P2RX5: variants seen among roughly 807,000 people sequenced by gnomAD.
P2RX5 encodes the protein P2X purinoceptor 5.
A neutral mutation model predicts 54.1 loss-of-function variants in P2RX5; 46 were observed. The ratio of observed to expected loss-of-function variants is 0.85; its 90% confidence interval spans 0.67 to 1.09. The LOEUF (loss-of-function observed/expected upper bound fraction) is 1.09, where lower values mean the gene tolerates loss of function less well. Among genes scored for constraint, P2RX5 ranks in the 50% least tolerant of loss-of-function variants. P2RX5 has a pLI of 0.00. For missense variants in P2RX5, 566 were observed against 549.8 expected (o/e 1.03, Z -0.29); for synonymous variants, 226 against 226.4 (o/e 1.00, Z 0.02).
At chr17:3,695,461 C>T (rs915533381) in intron 1 of P2RX5, among the ~76,000 whole-genome samples, 5 of 152,046 alleles carry the variant, frequency 3.3e-5, no homozygotes, top group Non-Finnish European at 5.9e-5. Flanking sequence ...AATAACCTGC[C>T]GGCGCCTGGG....
the P2RX5 span, chr17:3,716,972 T>C: frequency 1.8e-6 from 1 of 556,850 alleles, no homozygotes; most frequent in South Asian, 2.1e-5. Context: ...TTTTAGATCA[T>C]CTAAAACTAT....
At chr17:3,715,836 T>C in the P2RX5 span, among the ~76,000 whole-genome samples, 2 of 151,982 alleles carry the variant, frequency 1.3e-5, no homozygotes, top group Admixed American at 1.3e-4. Flanking sequence ...GAGCTCCAGC[T>C]TGGGGGACAA....
chr17:3,701,696 G>GAA, the P2RX5 span, among the ~76,000 whole-genome samples: 162 of 73,376 alleles, frequency 2.2e-3, 2 homozygotes, highest in Middle Eastern at 0.01. Flanking sequence ...CTCTGTCTCA[G>GAA]AAAAAAAAAA....
chr17:3,716,705 G>T, the P2RX5 span: 1 of 1,597,210 alleles, frequency 6.3e-7, no homozygotes, highest in Non-Finnish European at 8.6e-7. Flanking sequence ...AGGATGACCA[G>T]AATCACGATC....
At chr17:3,709,445 C>T in the P2RX5 span, among the ~76,000 whole-genome samples, 2 of 152,158 alleles carry the variant, frequency 1.3e-5, no homozygotes, top group East Asian at 1.9e-4. Flanking sequence ...TTAGGTGCAT[C>T]CTCCTGAACT....
intron 10 of P2RX5, 42 bp downstream of exon 10, chr17:3,681,854 A>T: frequency 1.4e-6 from 2 of 1,380,820 alleles, no homozygotes; most frequent in Non-Finnish European, 2.1e-6. Context: ...GGGGTGCTCC[A>T]CAGGGCTGCC....
intron 2 of P2RX5, 82 bp from the exon 3 acceptor site, chr17:3,691,109 G>A: frequency 9.5e-7 from 1 of 1,055,730 alleles, no homozygotes; most frequent in Non-Finnish European, 1.5e-6. Context: ...CTGAAAGAGG[G>A]CGGTCCCTCT....
At chr17:3,722,974 A>G in the P2RX5 span, among the ~76,000 whole-genome samples, 1 of 152,222 alleles carries the variant, frequency 6.6e-6, no homozygotes, top group Non-Finnish European at 1.5e-5. Flanking sequence ...TTACAACGGC[A>G]GTGGAAATGG....
At chr17:3,688,597 G>C (rs771451655) in intron 8 of P2RX5, 29 bp downstream of exon 8, 8 of 1,613,462 alleles carry the variant, frequency 5.0e-6, no homozygotes, top group Non-Finnish European at 5.9e-6. Flanking sequence ...TCATGGTCAG[G>C]TCACAAGTGG....
chr17:3,720,307 CT>C, the P2RX5 span: 1 of 1,513,192 alleles, frequency 6.6e-7, no homozygotes, highest in Non-Finnish European at 9.2e-7. Flanking sequence ...CAGGAATTAC[CT>C]TAGTTCTGTG....
chr17:3,715,328 AG>A, the P2RX5 span, among the ~76,000 whole-genome samples: 13 of 152,296 alleles, frequency 8.5e-5, no homozygotes, highest in East Asian at 7.7e-4. Flanking sequence ...CTCATCATCT[AG>A]TAGGAAAAAG....
chr17:3,673,496 T>TC lies in P2RX5; in HGVS notation c.*371dup. 5.1e-6 allele frequency: 6 copies of TC among 1,185,734 alleles called. No individual in the cohort carries two copies. The highest frequency in any genetic ancestry group is 5.3e-6 in the Non-Finnish European group (5 of 946,574). 73.5% of individuals were successfully genotyped at this position (1,185,734 alleles called of 1,614,324 possible). A position where few individuals can be genotyped will look rare whatever the true frequency, so the allele number is the denominator to read the frequency against. Reference sequence around the variant, plus strand: ...CTTTTCCGGACACGCACAATGCTATTCCCAGTGAGGTAATCTAGGAACTCT... The same window carrying TC: ...CTTTTCCGGACACGCACAATGCTATTCCCCAGTGAGGTAATCTAGGAACTCT... On this transcript the variant is annotated 3_prime_UTR_variant, in exon 12 of 12. Transcript: ENST00000225328.
rs1224754679 is a variant in P2RX5, at chr17:3,680,175, A to G, written c.1065-391T>C. 4.2e-3 allele frequency among the ~76,000 whole-genome samples: 140 copies of G among 32,954 alleles called. 4 individuals carry two copies. The highest frequency in any genetic ancestry group is 0.03 in the Admixed American group (93 of 3,120). The allele number at this position is 32,954 out of a possible 152,430, so 21.6% of individuals were successfully genotyped here. A position where few individuals can be genotyped will look rare whatever the true frequency, so the allele number is the denominator to read the frequency against. On this transcript the variant is annotated intron_variant, in intron 10 of 11. Transcript: ENST00000225328. ...CTCCATCCGGTGTCCTCCACCCTGC[A>G]TCCTCCACCCTGCGTCCTCCACCCT...
chr17:3,706,313 T>G, the P2RX5 span, among the ~76,000 whole-genome samples: 9 of 152,090 alleles, frequency 5.9e-5, no homozygotes. Context: ...CAGGCTGGTC[T>G]CAAACTCCTG....
chr17:3,685,657 T>TCC (rs543421315), intron 9 of P2RX5: 1 of 75,844 alleles, frequency 1.3e-5, no homozygotes, highest in African/African-American at 4.5e-5. Context: ...AGCGTCCCCC[T>TCC]CCCAGCCTGA....
At chr17:3,711,991 G>T in the P2RX5 span, among the ~76,000 whole-genome samples, 1 of 98,272 alleles carries the variant, frequency 1.0e-5, no homozygotes, top group African/African-American at 4.9e-5. Flanking sequence ...GGATCAGCAC[G>T]ACTCAGTAAG....
the P2RX5 span, among the ~76,000 whole-genome samples, chr17:3,706,736 C>T: frequency 6.6e-6 from 1 of 152,072 alleles, no homozygotes; most frequent in Non-Finnish European, 1.5e-5. Flanking sequence ...CTCAGCCTCC[C>T]AAGTAGCTGG....
chr17:3,690,924 C>T, intron 3 of P2RX5, 32 bp downstream of exon 3: 1 of 1,590,346 alleles, frequency 6.3e-7, no homozygotes. Flanking sequence ...GGCTCTCCCA[C>T]CCCCACGCCA....
upstream of P2RX5, among the ~76,000 whole-genome samples, chr17:3,696,600 G>T (rs188133734): frequency 6.6e-6 from 1 of 152,102 alleles, no homozygotes; most frequent in Non-Finnish European, 1.5e-5. Flanking sequence ...GACTACAGGC[G>T]TGATAATTTT....
Sources: gnomAD v4.1 joint callset for allele counts (sites outside exome capture counted in the v4.1 genomes callset) on GRCh38, gnomAD v4.1.1 for gene constraint, MANE v1.5 for transcripts, NCBI Gene and HGNC (gene_info 2026-07-23, HGNC 2026-07-21) for gene names.